The following MYLK variants were observed in gnomAD, a reference collection of about 807,000 sequenced individuals.
MYLK encodes myosin light chain kinase.
MYLK carries 106 observed loss-of-function variants against 203.4 expected under a neutral mutation model. The ratio of observed to expected loss-of-function variants is 0.52; its 90% CI spans 0.45 to 0.61. The LOEUF (loss-of-function observed/expected upper bound fraction) is 0.61, where lower values mean the gene tolerates loss of function less well. Ranked by LOEUF, MYLK falls within the 20% of genes least tolerant of loss-of-function variation. MYLK has a pLI of 0.00. For synonymous variants in MYLK, 867 were observed against 959.5 expected, an observed-to-expected ratio of 0.90 and a Z score of 1.78; for missense variants, 2,072 against 2,442.3, an observed-to-expected ratio of 0.85 and a Z score of 3.20.
At chr3:123,713,895 C>T (rs2061801054) in intron 13 of MYLK, among the ~76,000 whole-genome samples, 1 of 152,062 alleles carries the variant, frequency 6.6e-6, no homozygotes, top group Admixed American at 6.5e-5. Flanking sequence ...GGTAATATTG[C>T]AGGGTTTTAG....
intron 3 of MYLK, among the ~76,000 whole-genome samples, chr3:123,800,663 G>T (rs762579400): frequency 1.3e-5 from 2 of 152,204 alleles, no homozygotes; most frequent in Non-Finnish European, 2.9e-5. Context: ...GCAAGAGAAG[G>T]TATTTTCATA....
At chr3:123,866,083 T>C (rs938044146) in intron 2 of MYLK, among the ~76,000 whole-genome samples, 4 of 152,206 alleles carry the variant, frequency 2.6e-5, no homozygotes, top group Non-Finnish European at 5.9e-5. Flanking sequence ...CCCCTAGCTG[T>C]TTGAGTCACC....
chr3:123,719,801 G>A (rs370922030), intron 13 of MYLK, among the ~76,000 whole-genome samples: 1 of 152,216 alleles, frequency 6.6e-6, no homozygotes, highest in East Asian at 1.9e-4. Flanking sequence ...CAGTGCAGTA[G>A]GGAACAAACA....
intron 2 of MYLK, among the ~76,000 whole-genome samples, chr3:123,841,058 G>A (rs1238772512): frequency 6.6e-6 from 1 of 152,144 alleles, no homozygotes; most frequent in Non-Finnish European, 1.5e-5. Flanking sequence ...TGCTGTTCCA[G>A]AAAGAGCTTG....
chr3:123,666,206 T>A lies in MYLK; in HGVS notation c.3831+13A>T. ...CCCAGCACCCCCAGTGCCCACCCCATACCGTCACTGACCTGCTTTCGGAAC... is the reference window on the plus strand; with the variant it reads ...CCCAGCACCCCCAGTGCCCACCCCAAACCGTCACTGACCTGCTTTCGGAAC... On this transcript the variant is annotated intron_variant, in intron 22 of 33. Transcript: ENST00000360304. 2 of 1,614,152 alleles carry A rather than the reference T, an allele frequency of 1.2e-6. No homozygotes were observed. Among genetic ancestry groups the A allele is most frequent in the Non-Finnish European group, 1.7e-6 (2 of 1,180,024 alleles).
At chr3:123,845,205 C>T (rs2066685225) in intron 2 of MYLK, among the ~76,000 whole-genome samples, 1 of 152,160 alleles carries the variant, frequency 6.6e-6, no homozygotes, top group South Asian at 2.1e-4. Context: ...CTGCACAGGG[C>T]ACTCTGTTAG....
At chr3:123,723,842 C>G (rs903495209) in intron 12 of MYLK, among the ~76,000 whole-genome samples, 3 of 152,152 alleles carry the variant, frequency 2.0e-5, no homozygotes, top group Non-Finnish European at 4.4e-5. Context: ...GGCTCCTGGG[C>G]AGAATGCTAA....
chr3:123,626,632 G>C (rs1331281799), intron 31 of MYLK, among the ~76,000 whole-genome samples, 186 bp downstream of exon 31: 1 of 152,180 alleles, frequency 6.6e-6, no homozygotes, highest in Non-Finnish European at 1.5e-5. Flanking sequence ...CCTTGAGAAA[G>C]GGACTCTGCA....
At chr3:123,627,709 CTA>C (rs1280694626) in intron 30 of MYLK, among the ~76,000 whole-genome samples, 2 of 151,920 alleles carry the variant, frequency 1.3e-5, no homozygotes, top group East Asian at 3.9e-4. Flanking sequence ...TTCAAATCCT[CTA>C]TAATTTTCAT....
chr3:123,788,090 C>T (rs1052822579), intron 4 of MYLK, among the ~76,000 whole-genome samples: 1 of 152,146 alleles, frequency 6.6e-6, no homozygotes, highest in African/African-American at 2.4e-5. Flanking sequence ...CAGGAGGTGG[C>T]ACCGTCAGAT....
At chr3:123,741,551 A>G (rs1194166123) in intron 5 of MYLK, among the ~76,000 whole-genome samples, 1 of 152,242 alleles carries the variant, frequency 6.6e-6, no homozygotes, top group East Asian at 1.9e-4. Flanking sequence ...CTGGAGGCAG[A>G]GCCAACTGTC....
At chr3:123,678,281 T>C (rs977829465) in intron 20 of MYLK, among the ~76,000 whole-genome samples, 1 of 151,980 alleles carries the variant, frequency 6.6e-6, no homozygotes, top group Non-Finnish European at 1.5e-5. Context: ...CCCCAACTGA[T>C]GTTATCATTT....
At chr3:123,794,113 T>C (rs2064896660) in intron 3 of MYLK, among the ~76,000 whole-genome samples, 2 of 152,370 alleles carry the variant, frequency 1.3e-5, no homozygotes, top group African/African-American at 4.8e-5. Flanking sequence ...TGGGGAACTT[T>C]CCATCTTTTC....
At chr3:123,647,037 G>T (rs2059043919) in intron 27 of MYLK, 187 bp downstream of exon 27, 1 of 637,066 alleles carries the variant, frequency 1.6e-6, no homozygotes, top group Non-Finnish European at 2.8e-6. Context: ...CTCAGGGCCA[G>T]CACTGTGCAC....
intron 2 of MYLK, among the ~76,000 whole-genome samples, chr3:123,848,254 GAA>G (rs11409032): frequency 6.9e-6 from 1 of 144,970 alleles, no homozygotes. Context: ...GTCTTATTTT[GAA>G]AAAAAAAAAG....
intron 3 of MYLK, among the ~76,000 whole-genome samples, chr3:123,816,516 A>C (rs1049574821): frequency 3.3e-5 from 5 of 152,258 alleles, no homozygotes; most frequent in Non-Finnish European, 7.3e-5. Flanking sequence ...CATTAAACCA[A>C]GAGAAAACTT....
chr3:123,628,438 C>T (rs922187166), intron 30 of MYLK, among the ~76,000 whole-genome samples: 2 of 152,178 alleles, frequency 1.3e-5, no homozygotes, highest in Non-Finnish European at 2.9e-5. Flanking sequence ...CTCTAGCACG[C>T]CACCCATGTC....
chr3:123,649,748 A>G (rs2059146054), intron 24 of MYLK, among the ~76,000 whole-genome samples: 1 of 152,252 alleles, frequency 6.6e-6, no homozygotes, highest in African/African-American at 2.4e-5. Context: ...AAAAACATAT[A>G]TACTTGAAGT....
At chr3:123,713,106 T>G (rs114626423) in intron 13 of MYLK, among the ~76,000 whole-genome samples, 3 of 152,036 alleles carry the variant, frequency 2.0e-5, no homozygotes, top group Non-Finnish European at 4.4e-5. Context: ...GATGAGTGAG[T>G]GAACTTGGGG....
Sources: gnomAD v4.1 joint callset for allele counts (sites outside exome capture counted in the v4.1 genomes callset) on GRCh38, gnomAD v4.1.1 for gene constraint, MANE v1.5 for transcripts, NCBI Gene and HGNC (gene_info 2026-07-23, HGNC 2026-07-21) for gene names.